The following FANCC variants were observed in gnomAD, a reference collection of about 807,000 sequenced individuals.
FANCC encodes FA complementation group C.
FANCC carries 55 observed loss-of-function variants against 71.3 expected under a neutral mutation model. That is an observed-to-expected ratio of 0.77 (90% CI 0.62 to 0.97). FANCC has a LOEUF of 0.97. Ranked by LOEUF, FANCC falls within the 50% of genes least tolerant of loss-of-function variation. The pLI, the probability that FANCC is intolerant of heterozygous loss-of-function variation, is 0.00. For synonymous variants in FANCC, 275 were observed against 244.9 expected (o/e 1.12, Z -1.15); for missense variants, 678 against 670.9 (o/e 1.01, Z -0.12).
chr9:95,272,804 G>A (rs978981017), intron 1 of FANCC, among the ~76,000 whole-genome samples: 1 of 152,170 alleles, frequency 6.6e-6, no homozygotes, highest in Non-Finnish European at 1.5e-5. Flanking sequence ...TTAAGTGAGG[G>A]ATAGGCATAT....
At chr9:95,270,648 G>A (rs546633318) in intron 1 of FANCC, among the ~76,000 whole-genome samples, 2 of 152,262 alleles carry the variant, frequency 1.3e-5, no homozygotes, top group African/African-American at 4.8e-5. Flanking sequence ...CTCCAGAAAG[G>A]GACCTGCTGA....
At position 95,125,160 on chromosome 9, in the gene FANCC, C is replaced by T; in HGVS notation, c.922G>A (p.Ala308Thr). 1 of 1,614,140 alleles carries T rather than the reference C, an allele frequency of 6.2e-7. No individual in the cohort carries two copies. The highest frequency in any genetic ancestry group is 8.5e-7 in the Non-Finnish European group (1 of 1,179,998). Residue 308 changes from alanine to threonine, a missense_variant, in exon 10 of 15, where the codon GCC becomes ACC. By Grantham distance (58) the Ala-to-Thr change is moderately conservative (BLOSUM62 0). Transcript: ENST00000289081. ...TGAATAGTGGCTATGATTTCCAGGG[C>T]CCCATCGGTTTCCAGGAGTGCACAC... ...FRCALLETDG[A>T]LEIIATIQVF...
chr9:95,181,368 T>C (rs1268714402), intron 4 of FANCC, among the ~76,000 whole-genome samples: 1 of 152,146 alleles, frequency 6.6e-6, no homozygotes, highest in Non-Finnish European at 1.5e-5. Flanking sequence ...ACTTTGGTCC[T>C]CTAAATTTTT....
chr9:95,257,596 CA>C (rs1375148043), intron 1 of FANCC, among the ~76,000 whole-genome samples: 1 of 152,162 alleles, frequency 6.6e-6, no homozygotes, highest in East Asian at 1.9e-4. Flanking sequence ...TCTAAATTGA[CA>C]TCCTAACATC....
intron 4 of FANCC, among the ~76,000 whole-genome samples, chr9:95,191,483 C>T (rs1469711320): frequency 6.6e-6 from 1 of 151,976 alleles, no homozygotes. Context: ...TGGGCTACCA[C>T]ACCTGGCCAG....
chr9:95,149,802 G>A, intron 7 of FANCC, 121 bp downstream of exon 7: 1 of 1,120,606 alleles, frequency 8.9e-7, no homozygotes, highest in South Asian at 1.3e-5. Context: ...ATTTTTAAGA[G>A]TATAAAGGGT....
chr9:95,235,347 C>T (rs949095911), intron 4 of FANCC, among the ~76,000 whole-genome samples: 2 of 152,068 alleles, frequency 1.3e-5, no homozygotes, highest in Non-Finnish European at 2.9e-5. Flanking sequence ...GAAGGTAGCA[C>T]CACAGATCAT....
At chr9:95,197,228 G>C (rs2135779811) in intron 4 of FANCC, among the ~76,000 whole-genome samples, 1 of 152,168 alleles carries the variant, frequency 6.6e-6, no homozygotes, top group African/African-American at 2.4e-5. Context: ...CAGGGCCCAA[G>C]GTCCTCAAGT....
intron 13 of FANCC, among the ~76,000 whole-genome samples, chr9:95,108,298 G>T (rs1016389020): frequency 4.6e-5 from 7 of 152,236 alleles, no homozygotes; most frequent in Non-Finnish European, 1.0e-4. Flanking sequence ...CAGCAGGGCA[G>T]GCCTCACTCT....
chr9:95,119,371 T>C (rs541283330), intron 10 of FANCC, among the ~76,000 whole-genome samples: 9 of 151,956 alleles, frequency 5.9e-5, no homozygotes, highest in Admixed American at 2.6e-4. Flanking sequence ...TTTTCTTTTT[T>C]TTTTTTTTTA....
At chr9:95,210,124 T>A (rs1326195246) in intron 4 of FANCC, among the ~76,000 whole-genome samples, 1 of 152,078 alleles carries the variant, frequency 6.6e-6, no homozygotes, top group Non-Finnish European at 1.5e-5. Context: ...TATATAAAAT[T>A]TTAGAAACAG....
intron 1 of FANCC, among the ~76,000 whole-genome samples, chr9:95,288,344 T>A (rs1006555662): frequency 6.6e-6 from 1 of 152,194 alleles, no homozygotes; most frequent in African/African-American, 2.4e-5. Flanking sequence ...ATAATAACTA[T>A]TTGTTACAGC....
At chr9:95,121,736 G>A (rs2072895202) in intron 10 of FANCC, among the ~76,000 whole-genome samples, 1 of 152,104 alleles carries the variant, frequency 6.6e-6, no homozygotes, top group South Asian at 2.1e-4. Flanking sequence ...AGAGTATGCT[G>A]CTCCTGTTTG....
chr9:95,124,826 G>C (rs1034332131), intron 10 of FANCC, among the ~76,000 whole-genome samples: 1 of 152,184 alleles, frequency 6.6e-6, no homozygotes, highest in Non-Finnish European at 1.5e-5. Flanking sequence ...CCGTCCTCCA[G>C]GGCCATGCAT....
chr9:95,311,525 TCA>T (rs1339798305), intron 1 of FANCC, among the ~76,000 whole-genome samples: 2 of 152,156 alleles, frequency 1.3e-5, no homozygotes, highest in Non-Finnish European at 2.9e-5. Context: ...AAAGAAGGAA[TCA>T]CAGACATAAA....
At position 95,154,703 on chromosome 9, in the gene FANCC, CT is replaced by C. The variant is rs547798113; in HGVS notation, c.522-4617del. 1.8e-4 allele frequency among the ~76,000 whole-genome samples: 28 copies of C among 152,224 alleles called. 1 individual carries two copies. The South Asian group carries it at 5.6e-3, about 30-fold the overall frequency. The stretch of plus-strand genomic sequence containing the variant: ...ATCTACACCCCACTTCTTGGGCGTG[CT>C]TGCTCCAGCGGGGAGAATAAAGAAA... On this transcript the variant is annotated intron_variant, in intron 6 of 14. Transcript: ENST00000289081.
intron 1 of FANCC, among the ~76,000 whole-genome samples, chr9:95,307,376 T>G (rs1041684572): frequency 1.3e-5 from 2 of 152,212 alleles, no homozygotes; most frequent in Non-Finnish European, 2.9e-5. Flanking sequence ...AACGTATTTG[T>G]ATAAAATCAA....
At chr9:95,117,415 G>A (rs1165835350) in intron 10 of FANCC, 25 bp from the exon 11 acceptor site, 1 of 1,602,176 alleles carries the variant, frequency 6.2e-7, no homozygotes, top group East Asian at 2.2e-5. Context: ...AAAATCCAAA[G>A]AGCATGAACA....
chr9:95,247,396 A>G, intron 3 of FANCC, 36 bp downstream of exon 3: 1 of 1,463,136 alleles, frequency 6.8e-7, no homozygotes. Context: ...AAAGATTAAA[A>G]TAGCCATTTT....
Sources: allele counts gnomAD v4.1 joint callset (sites outside exome capture counted in the v4.1 genomes callset), GRCh38; gene constraint gnomAD v4.1.1; transcripts MANE v1.5; gene names NCBI Gene and HGNC (gene_info 2026-07-23, HGNC 2026-07-21).